MIPEP: variants seen among roughly 807,000 people sequenced by gnomAD.
MIPEP encodes mitochondrial intermediate peptidase.
Under a neutral mutation model 90.3 loss-of-function variants are expected in MIPEP, and 79 were observed. The ratio of observed to expected loss-of-function variants is 0.87; its 90% CI spans 0.73 to 1.05. The LOEUF (loss-of-function observed/expected upper bound fraction) is 1.05. MIPEP is among the 50% of genes least tolerant of loss of function. The probability of loss-of-function intolerance (pLI) is 0.00; values close to 1 mark genes in which losing one functional copy is unlikely to be tolerated. For synonymous variants in MIPEP, 334 were observed against 315.8 expected (o/e 1.06, Z -0.61); for missense variants, 940 against 905.6 (o/e 1.04, Z -0.49).
chr13:23,823,688 G>A (rs959032098), intron 14 of MIPEP, among the ~76,000 whole-genome samples: 2 of 152,148 alleles, frequency 1.3e-5, no homozygotes, highest in East Asian at 3.9e-4. Flanking sequence ...AATTAGCTGG[G>A]CATGATAACA....
At position 23,838,334 on chromosome 13, in the gene MIPEP, G is replaced by C. The variant is rs145023808; in HGVS notation, c.1339-578C>G. Among the ~76,000 whole-genome samples the C allele has an allele frequency of 6.2e-3, 945 of 152,094 alleles. 5 individuals are homozygous for C. The highest frequency in any genetic ancestry group is 9.6e-3 in the Non-Finnish European group (655 of 68,000). On this transcript the variant is annotated intron_variant, in intron 12 of 18. Coordinates refer to ENST00000382172, the MANE Select transcript of MIPEP (RefSeq NM_005932.4). Reference sequence around the variant, plus strand: ...AAATTTTTAGATTTTTTTTTGTACAGATGGAGTCTTACTATGTTGCCAGGG... The same window carrying C: ...AAATTTTTAGATTTTTTTTTGTACACATGGAGTCTTACTATGTTGCCAGGG...
At chr13:23,832,990 G>A (rs1313011100) in intron 14 of MIPEP, among the ~76,000 whole-genome samples, 1 of 152,154 alleles carries the variant, frequency 6.6e-6, no homozygotes, top group Non-Finnish European at 1.5e-5. Flanking sequence ...ACTATGCTAT[G>A]ATATAGTTCT....
intron 16 of MIPEP, among the ~76,000 whole-genome samples, chr13:23,785,857 A>G (rs1483863058): frequency 6.6e-6 from 1 of 152,148 alleles, no homozygotes; most frequent in Admixed American, 6.5e-5. Context: ...ATCTTGTTGC[A>G]TATGAAAACC....
intron 16 of MIPEP, among the ~76,000 whole-genome samples, chr13:23,762,365 C>G (rs1952556444): frequency 6.6e-6 from 1 of 152,102 alleles, no homozygotes; most frequent in African/African-American, 2.4e-5. Flanking sequence ...CAGCATACTC[C>G]CTGTATTCAC....
chr13:23,888,683 C>T, intron 1 of MIPEP: 1 of 991,102 alleles, frequency 1.0e-6, no homozygotes, highest in South Asian at 4.7e-5. Context: ...ATTACCATTA[C>T]TCGACTGCAG....
At chr13:23,812,479 G>GAA (rs1267611808) in intron 14 of MIPEP, among the ~76,000 whole-genome samples, 2 of 5,066 alleles carry the variant, frequency 3.9e-4, no homozygotes, top group African/African-American at 7.9e-4. Context: ...TCCACCCTGA[G>GAA]AAATAAAAAA....
intron 6 of MIPEP, 35 bp from the exon 7 acceptor site, chr13:23,869,483 TATC>T: frequency 6.4e-7 from 1 of 1,568,026 alleles, no homozygotes; most frequent in East Asian, 2.3e-5. Context: ...AGGCTATAAA[TATC>T]ATCACACAGT....
chr13:23,738,041 T>C (rs576229170), intron 18 of MIPEP, among the ~76,000 whole-genome samples: 1 of 152,346 alleles, frequency 6.6e-6, no homozygotes, highest in Non-Finnish European at 1.5e-5. Flanking sequence ...ACTCAAAGAA[T>C]GAATGAATGA....
chr13:23,742,851 G>C (rs1216650902), intron 18 of MIPEP, among the ~76,000 whole-genome samples: 2 of 152,198 alleles, frequency 1.3e-5, no homozygotes, highest in Non-Finnish European at 2.9e-5. Flanking sequence ...GGGTGATGGG[G>C]AAGTTCTGAA....
At chr13:23,800,641 C>A (rs569540945) in intron 16 of MIPEP, among the ~76,000 whole-genome samples, 2 of 152,120 alleles carry the variant, frequency 1.3e-5, no homozygotes, top group Admixed American at 6.5e-5. Flanking sequence ...AATAAATTGC[C>A]GACACTAGAA....
intron 7 of MIPEP, among the ~76,000 whole-genome samples, chr13:23,864,759 A>AAGTT (rs1203332632): frequency 7.1e-6 from 1 of 140,792 alleles, no homozygotes; most frequent in Non-Finnish European, 1.5e-5. Flanking sequence ...AAAAGAGTTA[A>AAGTT]TGGGAGGCTA....
intron 14 of MIPEP, among the ~76,000 whole-genome samples, chr13:23,832,302 G>C (rs1868805464): frequency 6.6e-6 from 1 of 152,110 alleles, no homozygotes; most frequent in South Asian, 2.1e-4. Context: ...CCAGTAGGAA[G>C]GCGCTCATCA....
At chr13:23,814,151 CCAAGGCAGAAAATACTCCCTTT>C (rs1371449814) in intron 14 of MIPEP, among the ~76,000 whole-genome samples, 1 of 152,216 alleles carries the variant, frequency 6.6e-6, no homozygotes, top group African/African-American at 2.4e-5. Context: ...TCCATAATTT[CCAAGGCAGAAAATACTCCCTTT>C]CACTGATCTG....
At chr13:23,803,118 C>T (rs9510864) in intron 16 of MIPEP, among the ~76,000 whole-genome samples, 28,842 of 152,038 alleles carry the variant, frequency 0.19, 3,202 homozygotes, top group Non-Finnish European at 0.25. Flanking sequence ...AATCCTCAGC[C>T]TTGGGAGGCC....
intron 15 of MIPEP, 88 bp from the exon 16 acceptor site, chr13:23,806,157 A>T (rs1953104696): frequency 7.5e-7 from 1 of 1,325,926 alleles, no homozygotes; most frequent in Non-Finnish European, 1.1e-6. Flanking sequence ...GTGCACCAGA[A>T]CAACAGTTAC....
intron 14 of MIPEP, among the ~76,000 whole-genome samples, chr13:23,831,385 G>GCGGGGGGGGT (rs57512059): frequency 1.5e-5 from 2 of 132,462 alleles, no homozygotes; most frequent in African/African-American, 5.5e-5. Flanking sequence ...CCCCATGGCG[G>GCGGGGGGGGT]GGGGGGGATG....
chr13:23,731,911 G>C (rs1357545605), intron 18 of MIPEP, among the ~76,000 whole-genome samples: 1 of 151,134 alleles, frequency 6.6e-6, no homozygotes, highest in East Asian at 1.9e-4. Context: ...TTAGTCACTA[G>C]GGAAATGAAA....
chr13:23,777,720 T>C (rs1952734363), intron 16 of MIPEP, among the ~76,000 whole-genome samples: 1 of 152,246 alleles, frequency 6.6e-6, no homozygotes, highest in Non-Finnish European at 1.5e-5. Flanking sequence ...ATCATGTTTA[T>C]TACTCACTAC....
intron 16 of MIPEP, among the ~76,000 whole-genome samples, chr13:23,777,490 T>C (rs1227522457): frequency 2.0e-5 from 3 of 152,242 alleles, no homozygotes; most frequent in Admixed American, 1.3e-4. Context: ...TAATTCAGAT[T>C]ACTGTGTTAC....
Sources: allele counts gnomAD v4.1 joint callset (sites outside exome capture counted in the v4.1 genomes callset), GRCh38; gene constraint gnomAD v4.1.1; transcripts MANE v1.5; gene names NCBI Gene and HGNC (gene_info 2026-07-23, HGNC 2026-07-21).